The following SLC35F1 variants were observed in gnomAD, a reference collection of about 807,000 sequenced individuals.
SLC35F1 encodes the protein chromosome 6 open reading frame 169.
A neutral mutation model predicts 48.7 loss-of-function variants in SLC35F1; 14 were observed. The observed-to-expected ratio is 0.29, with a 90% confidence interval of 0.19 to 0.45. The LOEUF is 0.45. Among genes scored for constraint, SLC35F1 ranks in the 20% least tolerant of loss-of-function variants. The probability of loss-of-function intolerance (pLI) is 1.00; values close to 1 mark genes in which losing one functional copy is unlikely to be tolerated. For synonymous variants in SLC35F1, 190 were observed against 202.2 expected, an observed-to-expected ratio of 0.94 and a Z score of 0.51; for missense variants, 404 against 500.0, an observed-to-expected ratio of 0.81 and a Z score of 1.83.
At chr6:117,911,589 C>G (rs953749484) in intron 1 of SLC35F1, among the ~76,000 whole-genome samples, 2 of 151,822 alleles carry the variant, frequency 1.3e-5, no homozygotes, top group Non-Finnish European at 2.9e-5. Context: ...GTGCACACCA[C>G]CATGCCTGGC....
intron 1 of SLC35F1, among the ~76,000 whole-genome samples, chr6:118,052,859 A>G (rs1229663000): frequency 6.6e-6 from 1 of 152,120 alleles, no homozygotes; most frequent in East Asian, 1.9e-4. Context: ...TTCTTTCCCT[A>G]TTGTGTAATT....
At chr6:118,003,165 A>C (rs551779094) in intron 1 of SLC35F1, among the ~76,000 whole-genome samples, 1 of 152,336 alleles carries the variant, frequency 6.6e-6, no homozygotes, top group South Asian at 2.1e-4. Flanking sequence ...ATCTCAGGAT[A>C]AAATAGTTCA....
At position 117,989,690 on chromosome 6, in the gene SLC35F1, A is replaced by C. The variant is rs999841909; in HGVS notation, c.173+81791A>C. On this transcript the variant is annotated intron_variant, in intron 1 of 7. Transcript: ENST00000360388. ...AAACTGGGAACAACTACTAAACTTA[A>C]TGTTGGATTTAATTCATTTTTTCAG... Among the ~76,000 whole-genome samples, 3 of 152,298 alleles carry C rather than the reference A, an allele frequency of 2.0e-5. No individual in the cohort carries two copies. In the East Asian group the frequency reaches 5.8e-4, roughly 29 times the overall value.
chr6:117,947,366 A>G lies in SLC35F1; in HGVS notation c.173+39467A>G, dbSNP rs369630938. Among the ~76,000 whole-genome samples, 9 of 152,156 alleles carry G rather than the reference A, an allele frequency of 5.9e-5. No homozygotes were observed. The East Asian group carries it at 7.7e-4, about 13-fold the overall frequency. ...TTCTAGAGATGAAAGGAGGACTGGT[A>G]ATTGGAGAAGGGCCCCGCAAACCAT... On this transcript the variant is annotated intron_variant, in intron 1 of 7. Coordinates refer to ENST00000360388, the MANE Select transcript of SLC35F1 (RefSeq NM_001029858.4).
At chr6:118,003,744 T>C (rs972812819) in intron 1 of SLC35F1, among the ~76,000 whole-genome samples, 1 of 152,230 alleles carries the variant, frequency 6.6e-6, no homozygotes, top group Non-Finnish European at 1.5e-5. Context: ...TTAATGATTT[T>C]ACATTTTTTT....
chr6:118,309,782 AT>A (rs1776352633), intron 7 of SLC35F1, among the ~76,000 whole-genome samples: 1 of 152,230 alleles, frequency 6.6e-6, no homozygotes. Context: ...CATCAACCAA[AT>A]AGCAATCAAA....
intron 2 of SLC35F1, among the ~76,000 whole-genome samples, chr6:118,216,155 G>A (rs570935691): frequency 9.4e-5 from 14 of 149,188 alleles, no homozygotes; most frequent in African/African-American, 3.5e-4. Flanking sequence ...ACAGTTCACT[G>A]CAACCTTGTT....
intron 3 of SLC35F1, among the ~76,000 whole-genome samples, chr6:118,266,701 G>A (rs929224492): frequency 2.0e-5 from 3 of 152,162 alleles, no homozygotes; most frequent in Non-Finnish European, 4.4e-5. Flanking sequence ...ACAGGAGGCA[G>A]AGCTGCCCCA....
At chr6:118,011,403 G>T (rs1403227910) in intron 1 of SLC35F1, among the ~76,000 whole-genome samples, 2 of 152,020 alleles carry the variant, frequency 1.3e-5, no homozygotes, top group Non-Finnish European at 2.9e-5. Context: ...AGAGTTAAGT[G>T]GGAAGTACTA....
At chr6:118,048,570 C>T (rs1422584224) in intron 1 of SLC35F1, among the ~76,000 whole-genome samples, 2 of 152,110 alleles carry the variant, frequency 1.3e-5, no homozygotes, top group African/African-American at 4.8e-5. Flanking sequence ...ACACCAATAA[C>T]AGACAAACAG....
chr6:118,297,666 T>TA (rs1270860046), intron 7 of SLC35F1, among the ~76,000 whole-genome samples: 1 of 115,124 alleles, frequency 8.7e-6, no homozygotes, highest in African/African-American at 4.1e-5. Flanking sequence ...ATATATAATA[T>TA]TATATAAGTT....
chr6:118,049,336 A>C (rs1772350046), intron 1 of SLC35F1, among the ~76,000 whole-genome samples: 1 of 152,182 alleles, frequency 6.6e-6, no homozygotes, highest in Non-Finnish European at 1.5e-5. Context: ...ACCAAAAGCA[A>C]TGGCAACAAA....
intron 1 of SLC35F1, among the ~76,000 whole-genome samples, chr6:118,137,701 G>T (rs1180663752): frequency 6.6e-6 from 1 of 152,132 alleles, no homozygotes; most frequent in African/African-American, 2.4e-5. Context: ...TGGAAGCCCT[G>T]GTCCTTAGGA....
At chr6:117,924,020 T>C (rs1032254329) in intron 1 of SLC35F1, among the ~76,000 whole-genome samples, 3 of 151,224 alleles carry the variant, frequency 2.0e-5, no homozygotes, top group African/African-American at 7.3e-5. Flanking sequence ...TGTACGTATA[T>C]ACCTATACAC....
rs990658226 is a variant in SLC35F1, at chr6:117,947,095, T to C, written c.173+39196T>C. Among the ~76,000 whole-genome samples the C allele has an allele frequency of 1.4e-4, 22 of 152,248 alleles. 1 individual carries two copies. The South Asian group carries it at 2.5e-3, about 17-fold the overall frequency. ...AAGAATTTGAATTGGAAGGGTAATA[T>C]AAAGTATGGAAAGGGTAATGAAATT... On this transcript the variant is annotated intron_variant, in intron 1 of 7. Coordinates refer to ENST00000360388, the MANE Select transcript of SLC35F1 (RefSeq NM_001029858.4).
chr6:118,150,777 T>C (rs980545947), intron 1 of SLC35F1, among the ~76,000 whole-genome samples: 2 of 152,218 alleles, frequency 1.3e-5, no homozygotes, highest in African/African-American at 4.8e-5. Context: ...TTTTAAACAT[T>C]ATTATTTTAA....
At chr6:118,302,307 G>T (rs771356149) in intron 7 of SLC35F1, among the ~76,000 whole-genome samples, 1 of 152,086 alleles carries the variant, frequency 6.6e-6, no homozygotes, top group Non-Finnish European at 1.5e-5. Context: ...GGAAGGAAAC[G>T]CATGGGAGAC....
At chr6:118,044,734 C>T (rs563556071) in intron 1 of SLC35F1, among the ~76,000 whole-genome samples, 1 of 152,128 alleles carries the variant, frequency 6.6e-6, no homozygotes, top group African/African-American at 2.4e-5. Context: ...GCTGCACCTA[C>T]AAAATCTTCT....
intron 7 of SLC35F1, among the ~76,000 whole-genome samples, chr6:118,286,010 C>T (rs1333550329): frequency 2.0e-5 from 3 of 152,114 alleles, no homozygotes; most frequent in Non-Finnish European, 4.4e-5. Context: ...ACACTGAGGT[C>T]AGATCCTACT....
Sources: gnomAD v4.1 joint callset for allele counts (sites outside exome capture counted in the v4.1 genomes callset) on GRCh38, gnomAD v4.1.1 for gene constraint, MANE v1.5 for transcripts, NCBI Gene and HGNC (gene_info 2026-07-23, HGNC 2026-07-21) for gene names.